Variants in SLC35F1 observed in about 807,000 individuals in gnomAD.
The protein encoded by SLC35F1 is chromosome 6 open reading frame 169.
A neutral mutation model predicts 48.7 loss-of-function variants in SLC35F1; 14 were observed. The observed-to-expected ratio is 0.29, with a 90% CI of 0.19 to 0.45. SLC35F1 has a LOEUF of 0.45. Among genes scored for constraint, SLC35F1 ranks in the 20% least tolerant of loss-of-function variants. The pLI is 1.00. For synonymous variants in SLC35F1, 190 were observed against 202.2 expected (o/e 0.94, Z 0.51); for missense variants, 404 against 500.0 (o/e 0.81, Z 1.83).
chr6:117,965,222 CA>C (rs1050587681), intron 1 of SLC35F1, among the ~76,000 whole-genome samples: 5 of 152,164 alleles, frequency 3.3e-5, no homozygotes, highest in Admixed American at 1.3e-4. Context: ...ACAGTTGGGT[CA>C]GTTTCCACCA....
At chr6:117,960,527 A>T (rs1776484714) in intron 1 of SLC35F1, among the ~76,000 whole-genome samples, 2 of 152,058 alleles carry the variant, frequency 1.3e-5, no homozygotes, top group African/African-American at 2.4e-5. Flanking sequence ...AAAACATCTT[A>T]CTATGTCAGC....
At chr6:118,254,533 C>G (rs1016726108) in intron 3 of SLC35F1, among the ~76,000 whole-genome samples, 3 of 152,124 alleles carry the variant, frequency 2.0e-5, no homozygotes, top group African/African-American at 7.2e-5. Context: ...CCTCCCACCT[C>G]CATCTCCCAA....
chr6:118,006,885 C>T (rs1185123610), intron 1 of SLC35F1, among the ~76,000 whole-genome samples: 2 of 152,078 alleles, frequency 1.3e-5, no homozygotes, highest in Non-Finnish European at 2.9e-5. Flanking sequence ...GCATGTTACA[C>T]ACATGCTACA....
intron 2 of SLC35F1, 128 bp from the exon 3 acceptor site, chr6:118,235,381 T>C: frequency 1.1e-6 from 1 of 932,104 alleles, no homozygotes; most frequent in South Asian, 2.1e-5. Context: ...CGTTGATTTA[T>C]TTGTTTAAAT....
rs1244995699 is a variant in SLC35F1 at position 118,104,109 on chromosome 6, CTTCCCTTCCCTTCCT to C, written c.174-50328_174-50314del. Among the ~76,000 whole-genome samples the C allele has an allele frequency of 4.0e-5, 6 of 151,610 alleles. 1 individual carries two copies. Among genetic ancestry groups the C allele is most frequent in the African/African-American group, 1.2e-4 (5 of 41,234 alleles). On this transcript the variant is annotated intron_variant, in intron 1 of 7. Transcript: ENST00000360388. Reference sequence around the variant, plus strand: ...CATTTCTTCCCTCCCCTTCCCTTCCCTTCCCTTCCCTTCCTTTCCCTTTCCTTCCCTTCCCCTCCC... The same window carrying C: ...CATTTCTTCCCTCCCCTTCCCTTCCCTTCCCTTTCCTTCCCTTCCCCTCCC...
intron 5 of SLC35F1, among the ~76,000 whole-genome samples, 165 bp downstream of exon 5, chr6:118,275,780 C>A (rs1727029160): frequency 1.3e-5 from 2 of 152,168 alleles, no homozygotes; most frequent in African/African-American, 4.8e-5. Context: ...TAGTAAATCA[C>A]CTCCAAATTA....
In SLC35F1 at chr6:118,314,400, G is replaced by A; in HGVS notation, c.*148G>A. 1.5e-6 allele frequency: 1 copy of A among 686,032 alleles called. No homozygotes were observed. The highest frequency in any genetic ancestry group is 2.5e-6 in the Non-Finnish European group (1 of 404,672). 42.5% of individuals were successfully genotyped at this position (686,032 alleles called of 1,614,324 possible). A position where few individuals can be genotyped will look rare whatever the true frequency, so the allele number is the denominator to read the frequency against. ...CAAATCCTCCAAAAGCTTGTGAAAG[G>A]AACAAGCTCAACATCACTGGAGACA... On this transcript the variant is annotated 3_prime_UTR_variant, in exon 8 of 8. Transcript: ENST00000360388.
chr6:118,081,473 ATT>A (rs200424838), intron 1 of SLC35F1, among the ~76,000 whole-genome samples: 4 of 148,406 alleles, frequency 2.7e-5, no homozygotes, highest in Non-Finnish European at 3.0e-5. Flanking sequence ...GCTACAAAAA[ATT>A]TTAAAAAAAA....
intron 1 of SLC35F1, among the ~76,000 whole-genome samples, chr6:117,964,185 T>C (rs745841080): frequency 4.9e-4 from 75 of 152,248 alleles, no homozygotes; most frequent in Non-Finnish European, 9.8e-4. Flanking sequence ...TAGTATTCCA[T>C]AGTGTATATG....
At chr6:118,107,030 G>A (rs1445556487) in intron 1 of SLC35F1, among the ~76,000 whole-genome samples, 1 of 152,152 alleles carries the variant, frequency 6.6e-6, no homozygotes, top group Non-Finnish European at 1.5e-5. Flanking sequence ...AGAAACTAAT[G>A]TTATTTGCTT....
intron 2 of SLC35F1, among the ~76,000 whole-genome samples, chr6:118,172,443 A>C (rs1774420702): frequency 6.6e-6 from 1 of 152,164 alleles, no homozygotes; most frequent in Non-Finnish European, 1.5e-5. Flanking sequence ...AAATGAAGTG[A>C]ACTTAATATA....
At chr6:118,029,778 A>C (rs971962866) in intron 1 of SLC35F1, among the ~76,000 whole-genome samples, 2 of 152,216 alleles carry the variant, frequency 1.3e-5, no homozygotes, top group African/African-American at 4.8e-5. Flanking sequence ...TTACTAAAAA[A>C]GTATGAATTT....
intron 2 of SLC35F1, among the ~76,000 whole-genome samples, chr6:118,170,602 G>A (rs1417309408): frequency 6.6e-6 from 1 of 152,052 alleles, no homozygotes; most frequent in Non-Finnish European, 1.5e-5. Context: ...ACCATGCCCA[G>A]CTAATTTTTG....
intron 2 of SLC35F1, among the ~76,000 whole-genome samples, chr6:118,167,604 G>A (rs1349239540): frequency 6.6e-6 from 1 of 152,114 alleles, no homozygotes; most frequent in Admixed American, 6.5e-5. Context: ...AATAAAAAGT[G>A]TACACCTATA....
intron 1 of SLC35F1, among the ~76,000 whole-genome samples, chr6:118,045,217 C>T (rs1772283847): frequency 6.6e-6 from 1 of 152,102 alleles, no homozygotes; most frequent in African/African-American, 2.4e-5. Flanking sequence ...TGTCTTCCAT[C>T]AGAGGTTGTA....
intron 2 of SLC35F1, among the ~76,000 whole-genome samples, chr6:118,182,489 CAAAA>C (rs1407475773): frequency 1.9e-5 from 1 of 52,830 alleles, no homozygotes; most frequent in African/African-American, 6.2e-5. Context: ...GAGACCCTGT[CAAAA>C]AAAAAAAAGA....
intron 1 of SLC35F1, among the ~76,000 whole-genome samples, chr6:118,042,073 A>T (rs2114902679): frequency 6.6e-6 from 1 of 152,304 alleles, no homozygotes; most frequent in East Asian, 1.9e-4. Flanking sequence ...TAAAGCTAAA[A>T]TCCAATATCA....
At chr6:118,155,602 C>A (rs1198798075) in intron 2 of SLC35F1, among the ~76,000 whole-genome samples, 1 of 152,128 alleles carries the variant, frequency 6.6e-6, no homozygotes, top group Non-Finnish European at 1.5e-5. Flanking sequence ...AATCTCTGTT[C>A]TTTATAAATT....
intron 3 of SLC35F1, among the ~76,000 whole-genome samples, chr6:118,240,180 A>G (rs1398580628): frequency 3.3e-5 from 5 of 152,256 alleles, no homozygotes; most frequent in Admixed American, 1.3e-4. Context: ...ATGAACTTCT[A>G]AAGGAGATAA....
Sources: allele counts gnomAD v4.1 joint callset (sites outside exome capture counted in the v4.1 genomes callset), GRCh38; gene constraint gnomAD v4.1.1; transcripts MANE v1.5; gene names NCBI Gene and HGNC (gene_info 2026-07-23, HGNC 2026-07-21).